The following RNLS variants were observed in gnomAD, a reference collection of about 807,000 sequenced individuals.
The protein encoded by RNLS is renalase.
A neutral mutation model predicts 39.8 loss-of-function variants in RNLS; 39 were observed. The ratio of observed to expected loss-of-function variants is 0.98; its 90% CI spans 0.76 to 1.28. The LOEUF is 1.28. Ranked by LOEUF, RNLS falls within the 50% of genes most tolerant of loss-of-function variation. The probability of loss-of-function intolerance (pLI) is 0.00; values close to 1 mark genes in which losing one functional copy is unlikely to be tolerated. For missense variants in RNLS, 410 were observed against 413.3 expected, an observed-to-expected ratio of 0.99 and a Z score of 0.07; for synonymous variants, 147 against 150.7, an observed-to-expected ratio of 0.98 and a Z score of 0.18.
At position 88,284,687 on chromosome 10, in the gene RNLS, C is replaced by T. The variant is rs1368913018; in HGVS notation, c.*667G>A. On this transcript the variant is annotated 3_prime_UTR_variant, in exon 7 of 7. Coordinates refer to ENST00000331772, the MANE Select transcript of RNLS (RefSeq NM_001031709.3). Reference sequence around the variant, plus strand: ...TTAATTTTTATCTTTCATATTAGGACTGGAATTTGTTTGAAAGTTAAAAAG... The same window carrying T: ...TTAATTTTTATCTTTCATATTAGGATTGGAATTTGTTTGAAAGTTAAAAAG... 2.0e-6 allele frequency: 2 copies of T among 984,984 alleles called. No homozygotes were observed. Among genetic ancestry groups the T allele is most frequent in the Admixed American group, 6.2e-5 (1 of 16,218 alleles). 61.0% of individuals were successfully genotyped at this position (984,984 alleles called of 1,614,324 possible).
intron 6 of RNLS, among the ~76,000 whole-genome samples, chr10:88,286,643 T>C (rs1843295836): frequency 6.6e-6 from 1 of 152,038 alleles, no homozygotes; most frequent in African/African-American, 2.4e-5. Flanking sequence ...TCTTATACAG[T>C]GTTTTCATGG....
intron 5 of RNLS, among the ~76,000 whole-genome samples, chr10:88,319,461 A>T (rs1846015317): frequency 6.6e-6 from 1 of 152,148 alleles, no homozygotes; most frequent in African/African-American, 2.4e-5. Flanking sequence ...GCAGACAAAT[A>T]ATTCAAAATA....
At chr10:88,442,553 AT>A (rs1001096893) in intron 4 of RNLS, among the ~76,000 whole-genome samples, 2 of 151,426 alleles carry the variant, frequency 1.3e-5, no homozygotes, top group African/African-American at 4.8e-5. Context: ...TTGCTTCCTA[AT>A]TTTTTTTTCT....
At chr10:88,281,702 A>G (rs1843016287), downstream of RNLS, among the ~76,000 whole-genome samples, 1 of 152,172 alleles carries the variant, frequency 6.6e-6, no homozygotes. Flanking sequence ...GGGTTGTCCA[A>G]TCAACTTGAA....
the RNLS span, among the ~76,000 whole-genome samples, chr10:88,175,522 T>C: frequency 6.6e-6 from 1 of 152,196 alleles, no homozygotes; most frequent in Non-Finnish European, 1.5e-5. Context: ...AGGAAGATAT[T>C]TGTTAATTTC....
intron 4 of RNLS, among the ~76,000 whole-genome samples, chr10:88,501,084 TAA>T (rs1184412056): frequency 2.0e-5 from 3 of 151,954 alleles, no homozygotes; most frequent in Non-Finnish European, 2.9e-5. Flanking sequence ...GTGCTTAATA[TAA>T]GTCAGCCATT....
chr10:88,339,646 C>T (rs1016843841), intron 5 of RNLS, among the ~76,000 whole-genome samples: 1 of 152,150 alleles, frequency 6.6e-6, no homozygotes, highest in Non-Finnish European at 1.5e-5. Context: ...CAGGGACAAG[C>T]TGAATTAAGA....
chr10:88,268,056 A>G, the RNLS span, among the ~76,000 whole-genome samples: 3 of 152,170 alleles, frequency 2.0e-5, no homozygotes, highest in Admixed American at 1.3e-4. Flanking sequence ...ACTTGGTTTT[A>G]TTTTACGCTT....
At chr10:88,566,153 G>C (rs564026254) in intron 4 of RNLS, among the ~76,000 whole-genome samples, 129 of 151,998 alleles carry the variant, frequency 8.5e-4, no homozygotes, top group African/African-American at 2.8e-3. Context: ...AATAGCCAAT[G>C]TTAATGTTTG....
the RNLS span, among the ~76,000 whole-genome samples, chr10:88,184,038 T>G: frequency 6.6e-6 from 1 of 152,126 alleles, no homozygotes; most frequent in Non-Finnish European, 1.5e-5. Flanking sequence ...TTAGAGGTAG[T>G]GTTCTGGTAG....
intron 3 of RNLS, among the ~76,000 whole-genome samples, chr10:88,576,340 G>T (rs921478565): frequency 1.3e-5 from 2 of 152,136 alleles, no homozygotes; most frequent in African/African-American, 4.8e-5. Context: ...TAGCTATAAA[G>T]ATATCAGAAG....
intron 4 of RNLS, among the ~76,000 whole-genome samples, chr10:88,537,611 CTGTT>C (rs1483592573): frequency 6.6e-6 from 1 of 152,082 alleles, no homozygotes; most frequent in East Asian, 1.9e-4. Context: ...AGAGTACACA[CTGTT>C]TGATTTCATT....
chr10:88,485,352 G>A (rs1844427572), intron 4 of RNLS, among the ~76,000 whole-genome samples: 1 of 151,740 alleles, frequency 6.6e-6, no homozygotes, highest in African/African-American at 2.4e-5. Flanking sequence ...CAATTCAGTG[G>A]AGAAAGAAGA....
At chr10:88,429,094 C>T (rs1457493263) in intron 4 of RNLS, among the ~76,000 whole-genome samples, 1 of 151,812 alleles carries the variant, frequency 6.6e-6, no homozygotes, top group Non-Finnish European at 1.5e-5. Flanking sequence ...GGGACCAATT[C>T]ACCATTCTGT....
chr10:88,580,284 C>A (rs915893147), intron 3 of RNLS, among the ~76,000 whole-genome samples: 1 of 152,160 alleles, frequency 6.6e-6, no homozygotes, highest in Admixed American at 6.5e-5. Context: ...AGTAGTCTAA[C>A]ATACCATCTA....
chr10:88,393,608 C>A (rs541084823), intron 4 of RNLS, among the ~76,000 whole-genome samples: 1 of 152,130 alleles, frequency 6.6e-6, no homozygotes, highest in Admixed American at 6.6e-5. Flanking sequence ...GTGAAAATGG[C>A]CATACTGCCC....
rs79981780 is a variant in RNLS at position 88,581,657 on chromosome 10, T to C, written c.277A>G (p.Ile93Val). 575 of 1,603,424 alleles carry C rather than the reference T, an allele frequency of 3.6e-4. 2 individuals are homozygous for C. In the African/African-American group the frequency reaches 5.1e-3, roughly 14 times the overall value. ...CCTTCTTTCATCACCATTCCTTCAA[T>C]AGGCGAGCTTAGAGGCCTCAAAACG... ...YGVLRPLSSP[I>V]EGMVMKEGDC... The change falls in exon 3 of 7, where the codon ATT becomes GTT. Residue 93 changes from isoleucine (I) to valine (V), a missense_variant. Transcript: ENST00000331772.
chr10:88,406,219 C>G (rs754399053), intron 4 of RNLS, among the ~76,000 whole-genome samples: 1 of 151,990 alleles, frequency 6.6e-6, no homozygotes, highest in Non-Finnish European at 1.5e-5. Context: ...GATATTTTTG[C>G]GATTAATTTC....
chr10:88,346,100 G>C (rs755323832), intron 5 of RNLS, among the ~76,000 whole-genome samples: 1 of 151,874 alleles, frequency 6.6e-6, no homozygotes, highest in Non-Finnish European at 1.5e-5. Context: ...GATATAAAAA[G>C]AGAGATAATT....
Sources: allele counts gnomAD v4.1 joint callset (sites outside exome capture counted in the v4.1 genomes callset), GRCh38; gene constraint gnomAD v4.1.1; transcripts MANE v1.5; gene names NCBI Gene and HGNC (gene_info 2026-07-23, HGNC 2026-07-21).